Variants in SNX25 observed in about 807,000 individuals in gnomAD.
The protein encoded by SNX25 is sorting nexin 25.
Under a neutral mutation model 113.7 loss-of-function variants are expected in SNX25, and 62 were observed. That is an observed-to-expected ratio of 0.55 (90% confidence interval 0.44 to 0.67). The LOEUF (loss-of-function observed/expected upper bound fraction) is 0.67, where lower values mean the gene tolerates loss of function less well. SNX25 is among the 30% of genes least tolerant of loss of function. The pLI is 0.00. For synonymous variants in SNX25, 421 were observed against 436.2 expected (o/e 0.97, Z 0.43); for missense variants, 1,014 against 1,161.0 (o/e 0.87, Z 1.84).
chr4:185,211,782 G>A (rs1054789288), intron 1 of SNX25, among the ~76,000 whole-genome samples: 1 of 152,146 alleles, frequency 6.6e-6, no homozygotes, highest in African/African-American at 2.4e-5. Flanking sequence ...AGGGAAGGAA[G>A]TTTAGAGGGT....
At chr4:185,261,118 G>GTGTGTGTGTGTC (rs1167930414) in intron 3 of SNX25, among the ~76,000 whole-genome samples, 44 of 90,020 alleles carry the variant, frequency 4.9e-4, no homozygotes, top group African/African-American at 1.7e-3. Flanking sequence ...CTGTCTCTGT[G>GTGTGTGTGTGTC]TGTGTGTGTG....
downstream of SNX25, chr4:185,373,037 C>T: frequency 6.2e-7 from 1 of 1,611,894 alleles, no homozygotes; most frequent in East Asian, 2.2e-5. Context: ...CCCTGGGACT[C>T]CAGATTCCCA....
intron 5 of SNX25, among the ~76,000 whole-genome samples, chr4:185,269,509 G>A (rs1034185443): frequency 6.6e-6 from 1 of 152,232 alleles, no homozygotes; most frequent in East Asian, 1.9e-4. Context: ...CCAAATAGTC[G>A]TTCCACAGTA....
At chr4:185,241,597 G>A (rs1188149253) in intron 1 of SNX25, among the ~76,000 whole-genome samples, 1 of 150,060 alleles carries the variant, frequency 6.7e-6, no homozygotes, top group Admixed American at 6.6e-5. Context: ...GAGGACAGGT[G>A]TATTTTTTTT....
chr4:185,366,688 AAAATTTTAAATGACTGAAAATTT>A (rs796524084), downstream of SNX25: 6 of 152,210 alleles, frequency 3.9e-5, no homozygotes, highest in African/African-American at 9.6e-5. Flanking sequence ...TTAAATTTTT[AAAATTTTAAATGACTGAAAATTT>A]AAATTTTAAA....
rs377570335 is a variant in SNX25 at position 185,236,835 on chromosome 4, C to T, written c.430-10459C>T. On this transcript the variant is annotated intron_variant, in intron 1 of 18. Transcript: ENST00000652585. ...GTAGGTACTATTGTTATCTATTTTA[C>T]GTATGAGGAAAGTGAGGTATGGAAA... is the stretch of plus-strand genomic sequence containing the variant. Among the ~76,000 whole-genome samples the T allele has an allele frequency of 7.2e-3, 1,089 of 151,712 alleles. 13 individuals are homozygous for T. Among genetic ancestry groups the T allele is most frequent in the African/African-American group, 0.024 (1,005 of 41,320 alleles).
chr4:185,218,230 G>C (rs376126924), intron 1 of SNX25, among the ~76,000 whole-genome samples: 1 of 152,172 alleles, frequency 6.6e-6, no homozygotes, highest in Non-Finnish European at 1.5e-5. Flanking sequence ...GATTACAGGC[G>C]CCCGCCATCA....
At position 185,217,015 on chromosome 4, in the gene SNX25, G is replaced by A. The variant is rs116216193; in HGVS notation, c.429+6760G>A. Among the ~76,000 whole-genome samples the A allele has an allele frequency of 5.9e-3, 894 of 152,306 alleles. 4 individuals carry two copies. Among genetic ancestry groups the A allele is most frequent in the Non-Finnish European group, 8.2e-3 (560 of 68,028 alleles). ...TTGGCCAGGTTGTGGAAATGCCGTGGAGTAGAACTGAATTTTAGTCTTCAG... is the reference window on the plus strand; with the variant it reads ...TTGGCCAGGTTGTGGAAATGCCGTGAAGTAGAACTGAATTTTAGTCTTCAG... On this transcript the variant is annotated intron_variant, in intron 1 of 18. Transcript: ENST00000652585.
At chr4:185,362,836 A>AG in intron 18 of SNX25, 125 bp downstream of exon 18, 1 of 352,636 alleles carries the variant, frequency 2.8e-6, no homozygotes, top group Non-Finnish European at 4.6e-6. Context: ...ATCTCCCTTG[A>AG]CTTTTTTTTT....
At chr4:185,338,408 T>C (rs1435660394) in intron 10 of SNX25, among the ~76,000 whole-genome samples, 3 of 151,724 alleles carry the variant, frequency 2.0e-5, no homozygotes, top group Non-Finnish European at 4.4e-5. Context: ...CCTGAGTAAC[T>C]GGGATTATAG....
chr4:185,310,595 T>A, intron 6 of SNX25, 40 bp from the exon 7 acceptor site: 1 of 1,579,384 alleles, frequency 6.3e-7, no homozygotes, highest in Non-Finnish European at 8.6e-7. Flanking sequence ...CTTTCATGCC[T>A]TGTCCTCTGA....
chr4:185,351,383 G>A (rs1238708922), intron 13 of SNX25, 62 bp from the exon 14 acceptor site: 2 of 1,554,372 alleles, frequency 1.3e-6, no homozygotes, highest in African/African-American at 2.8e-5. Context: ...ACCTTTACTT[G>A]TAGCTCCCAG....
chr4:185,317,352 A>G (rs188045778), intron 7 of SNX25, among the ~76,000 whole-genome samples: 1 of 152,216 alleles, frequency 6.6e-6, no homozygotes, highest in Non-Finnish European at 1.5e-5. Context: ...GAGAAATAGT[A>G]ATGCTTTTAC....
chr4:185,353,084 C>G (rs1173473713), intron 14 of SNX25: 2 of 159,230 alleles, frequency 1.3e-5, no homozygotes, highest in African/African-American at 2.4e-5. Context: ...TTAAAAATAA[C>G]TAAATTACTT....
intron 10 of SNX25, among the ~76,000 whole-genome samples, chr4:185,333,494 A>C (rs906722897): frequency 2.0e-5 from 3 of 152,230 alleles, no homozygotes; most frequent in Non-Finnish European, 2.9e-5. Context: ...GTGGACATTC[A>C]AATGCTTTTA....
At chr4:185,347,767 G>T (rs377069850) in intron 13 of SNX25, among the ~76,000 whole-genome samples, 3 of 152,060 alleles carry the variant, frequency 2.0e-5, no homozygotes, top group East Asian at 1.9e-4. Context: ...CACTGTGCCC[G>T]GCCATTTGTT....
rs775220291 is a variant in SNX25, at chr4:185,225,118, CTT to C, written c.429+14880_429+14881del. Among the ~76,000 whole-genome samples the C allele has an allele frequency of 3.0e-3, 393 of 132,034 alleles. 3 individuals carry two copies. The highest frequency in any genetic ancestry group is 9.9e-3 in the African/African-American group (362 of 36,506). The allele number at this position is 132,034 out of a possible 152,430, so 86.6% of individuals were successfully genotyped here. A position where few individuals can be genotyped will look rare whatever the true frequency, so the allele number is the denominator to read the frequency against. Reference sequence around the variant, plus strand: ...GTTAGATTTTTATATTCTATGTCTTCTTTTTTTTTTTTTTTTTTGAGATGGAG... The same window carrying C: ...GTTAGATTTTTATATTCTATGTCTTCTTTTTTTTTTTTTTTTGAGATGGAG... On this transcript the variant is annotated intron_variant, in intron 1 of 18. Transcript: ENST00000652585.
intron 6 of SNX25, among the ~76,000 whole-genome samples, chr4:185,308,694 C>T (rs539263495): frequency 1.3e-5 from 2 of 152,300 alleles, no homozygotes; most frequent in Admixed American, 1.3e-4. Context: ...CATAGATAAA[C>T]ACCTACTTTT....
At position 185,210,664 on chromosome 4, in the gene SNX25, G is replaced by A. The variant is rs920057422; in HGVS notation, c.429+409G>A. ...CTTGGTTCTTCTGGCCGTTCTCGGT[G>A]GGAGGCAACTTTATGACCGTTTGCC... On this transcript the variant is annotated intron_variant, in intron 1 of 18. Transcript: ENST00000652585. The surrounding 1 kb of genome is among the most constrained non-coding windows in gnomAD (Gnocchi z 4.4). Among the ~76,000 whole-genome samples the A allele has an allele frequency of 6.6e-6, 1 of 152,028 alleles. No homozygotes were observed. The highest frequency in any genetic ancestry group is 2.4e-5 in the African/African-American group (1 of 41,406).
Sources: gnomAD v4.1 joint callset for allele counts (sites outside exome capture counted in the v4.1 genomes callset) on GRCh38, gnomAD v4.1.1 for gene constraint, Gnocchi (gnomAD v3.1) non-coding constraint, MANE v1.5 for transcripts, NCBI Gene and HGNC (gene_info 2026-07-23, HGNC 2026-07-21) for gene names.